The following ASTN1 variants were observed in gnomAD, a reference collection of about 807,000 sequenced individuals.
The protein encoded by ASTN1 is astrotactin-1.
In ASTN1, 41 loss-of-function variants were observed where a neutral mutation model predicts 140.7. The observed-to-expected ratio is 0.29, with a 90% CI of 0.23 to 0.38. ASTN1 has a LOEUF of 0.38. Ranked by LOEUF, ASTN1 falls within the 10% of genes least tolerant of loss-of-function variation. The pLI is 1.00. For missense variants in ASTN1, 1,479 were observed against 1,678.8 expected (o/e 0.88, Z 2.08); for synonymous variants, 640 against 652.2 (o/e 0.98, Z 0.29).
chr1:177,163,998 A>T (rs1418132384), intron 1 of ASTN1, among the ~76,000 whole-genome samples: 1 of 152,136 alleles, frequency 6.6e-6, no homozygotes. Context: ...AGAGTGAGTG[A>T]AGCAAAGAGC....
intron 1 of ASTN1, among the ~76,000 whole-genome samples, chr1:177,085,140 A>C (rs533014611): frequency 1.3e-5 from 2 of 152,220 alleles, no homozygotes; most frequent in African/African-American, 2.4e-5. Flanking sequence ...GTTAGGTGTT[A>C]TAAATACTTG....
chr1:176,958,519 G>C, intron 9 of ASTN1, 37 bp from the exon 10 acceptor site: 8 of 1,576,326 alleles, frequency 5.1e-6, no homozygotes, highest in Non-Finnish European at 6.9e-6. Flanking sequence ...TCATGACTGG[G>C]GGCATAACCA....
At chr1:176,894,463 G>A (rs1272829457) in intron 17 of ASTN1, 99 bp downstream of exon 17, 10 of 1,446,678 alleles carry the variant, frequency 6.9e-6, no homozygotes, top group Non-Finnish European at 9.2e-6. Context: ...CCATATTCTA[G>A]CATGGCCCTC....
intron 1 of ASTN1, among the ~76,000 whole-genome samples, chr1:177,100,811 G>A (rs186811453): frequency 3.3e-5 from 5 of 152,226 alleles, no homozygotes; most frequent in Non-Finnish European, 5.9e-5. Flanking sequence ...TGTGAAGACC[G>A]GCTGGGCATG....
At chr1:177,016,244 C>T (rs1322389653) in intron 7 of ASTN1, among the ~76,000 whole-genome samples, 2 of 150,202 alleles carry the variant, frequency 1.3e-5, no homozygotes, top group Non-Finnish European at 1.5e-5. Flanking sequence ...TACCAGATCA[C>T]ACCATTTTTG....
At chr1:177,097,935 C>T (rs1278194553) in intron 1 of ASTN1, among the ~76,000 whole-genome samples, 1 of 152,156 alleles carries the variant, frequency 6.6e-6, no homozygotes, top group Non-Finnish European at 1.5e-5. Flanking sequence ...CTAGTGAGGT[C>T]ATGGAAGCAC....
At chr1:177,046,678 C>T (rs1031603926) in intron 2 of ASTN1, among the ~76,000 whole-genome samples, 17 of 152,308 alleles carry the variant, frequency 1.1e-4, no homozygotes, top group Non-Finnish European at 1.6e-4. Context: ...TACATGCACA[C>T]ACATGCAGAG....
intron 16 of ASTN1, among the ~76,000 whole-genome samples, chr1:176,922,317 C>T (rs12124783): frequency 0.24 from 36,393 of 150,130 alleles, 4,671 homozygotes; most frequent in African/African-American, 0.31. Context: ...GCCGTGCAGA[C>T]TTTGAATCGT....
intron 1 of ASTN1, among the ~76,000 whole-genome samples, chr1:177,142,434 A>G (rs1346073558): frequency 6.6e-6 from 1 of 152,226 alleles, no homozygotes; most frequent in African/African-American, 2.4e-5. Flanking sequence ...AAATCAGAAT[A>G]CTTATCCTAT....
intron 12 of ASTN1, 32 bp downstream of exon 12, chr1:176,949,153 C>T (rs1227955717): frequency 2.5e-6 from 4 of 1,611,358 alleles, no homozygotes; most frequent in Non-Finnish European, 1.7e-6. Flanking sequence ...GACAGATGGA[C>T]GCCAGGTGGC....
chr1:176,879,716 A>C (rs1668710317), intron 20 of ASTN1, among the ~76,000 whole-genome samples: 1 of 152,208 alleles, frequency 6.6e-6, no homozygotes, highest in South Asian at 2.1e-4. Context: ...TCAGTGCAAA[A>C]TTTAAGTTCT....
chr1:176,881,511 A>G (rs1012932753), intron 20 of ASTN1, among the ~76,000 whole-genome samples: 6 of 152,194 alleles, frequency 3.9e-5, no homozygotes, highest in African/African-American at 7.2e-5. Flanking sequence ...TTCAAGTTTC[A>G]CTGAGTTTGA....
intron 1 of ASTN1, among the ~76,000 whole-genome samples, chr1:177,163,368 C>T (rs1647501492): frequency 1.3e-5 from 2 of 152,174 alleles, no homozygotes; most frequent in South Asian, 4.1e-4. Context: ...AGAGCTCCAT[C>T]TACACATGGA....
chr1:176,884,475 C>A lies in ASTN1; in HGVS notation c.3090G>T (p.Thr1030=). 1 of 1,612,826 alleles carries A rather than the reference C, an allele frequency of 6.2e-7. No individual in the cohort carries two copies. Among genetic ancestry groups the A allele is most frequent in the African/African-American group, 1.3e-5 (1 of 75,002 alleles). The change falls in exon 19 of 23, where the codon ACG becomes ACT. Residue 1030 remains threonine, a synonymous_variant. Transcript: ENST00000361833. The part of the protein sequence containing the change: ...PLPQPVLRLS[T]VHEPSSTLVV... ...CAAGAGTGCTGCTGGGCTCGTGAAC[C>A]GTGGAGAGTCTCAGCCTGTGTGCAG...
chr1:176,946,929 G>C (rs1671983603), intron 12 of ASTN1, among the ~76,000 whole-genome samples: 1 of 152,204 alleles, frequency 6.6e-6, no homozygotes, highest in Admixed American at 6.5e-5. Flanking sequence ...TCATAAGGCT[G>C]TCATTAAAAA....
intron 1 of ASTN1, among the ~76,000 whole-genome samples, chr1:177,089,279 C>T (rs1679627043): frequency 6.6e-6 from 1 of 152,086 alleles, no homozygotes; most frequent in Non-Finnish European, 1.5e-5. Flanking sequence ...CCCTGCAAGC[C>T]CCTTGAGAGT....
intron 10 of ASTN1, 99 bp downstream of exon 10, chr1:176,958,246 G>A (rs1202216217): frequency 4.5e-6 from 7 of 1,568,918 alleles, no homozygotes; most frequent in Admixed American, 2.0e-5. Flanking sequence ...TTTCCTTTTA[G>A]CTTGTTGGGA....
rs78703388 is a variant in ASTN1 at position 177,121,685 on chromosome 1, C to T, written c.283+42709G>A. On this transcript the variant is annotated intron_variant, in intron 1 of 22. Coordinates refer to ENST00000361833, the MANE Select transcript of ASTN1 (RefSeq NM_004319.3). ...CCCTTCCTCCAACTTCTTTAAGGCTCTGTGAGCTCTCACATTTCACAATTC... is the reference window on the plus strand; with the variant it reads ...CCCTTCCTCCAACTTCTTTAAGGCTTTGTGAGCTCTCACATTTCACAATTC... Among the ~76,000 whole-genome samples the T allele has an allele frequency of 2.4e-3, 360 of 152,222 alleles. 3 individuals are homozygous for T. The highest frequency in any genetic ancestry group is 8.3e-3 in the African/African-American group (345 of 41,536).
At chr1:177,038,215 A>G (rs1458322811) in intron 2 of ASTN1, among the ~76,000 whole-genome samples, 1 of 152,204 alleles carries the variant, frequency 6.6e-6, no homozygotes, top group African/African-American at 2.4e-5. Context: ...GTTCAGTGAC[A>G]CGACTTCAGC....
Sources: allele counts gnomAD v4.1 joint callset (sites outside exome capture counted in the v4.1 genomes callset), GRCh38; gene constraint gnomAD v4.1.1; transcripts MANE v1.5; gene names NCBI Gene and HGNC (gene_info 2026-07-23, HGNC 2026-07-21).